PCDH15: variants seen among roughly 807,000 people sequenced by gnomAD.
PCDH15 encodes the protein protocadherin related 15.
PCDH15 carries 129 observed loss-of-function variants against 178.5 expected under a neutral mutation model. The ratio of observed to expected loss-of-function variants is 0.72; its 90% CI spans 0.63 to 0.84. PCDH15 has a LOEUF of 0.84. Among genes scored for constraint, PCDH15 ranks in the 40% least tolerant of loss-of-function variants. PCDH15 has a pLI of 0.00. For synonymous variants in PCDH15, 800 were observed against 732.0 expected, an observed-to-expected ratio of 1.09 and a Z score of -1.50; for missense variants, 2,230 against 2,099.9, an observed-to-expected ratio of 1.06 and a Z score of -1.21.
At chr10:55,615,803 C>A (rs1843461258) in intron 2 of PCDH15, among the ~76,000 whole-genome samples, 1 of 152,106 alleles carries the variant, frequency 6.6e-6, no homozygotes, top group Non-Finnish European at 1.5e-5. Context: ...CTGATTTGAG[C>A]AGGAATATAA....
At chr10:54,084,496 T>A (rs2094487299) in intron 16 of PCDH15, among the ~76,000 whole-genome samples, 1 of 151,418 alleles carries the variant, frequency 6.6e-6, no homozygotes, top group Admixed American at 6.6e-5. Context: ...AATAAAAAAA[T>A]AAAAATTATC....
chr10:54,594,488 G>A (rs2092092080), intron 2 of PCDH15, among the ~76,000 whole-genome samples: 1 of 152,068 alleles, frequency 6.6e-6, no homozygotes, highest in East Asian at 1.9e-4. Context: ...GGCACCTCAA[G>A]GGGGCCTGCC....
chr10:55,258,339 T>G (rs1842058029), intron 1 of PCDH15, among the ~76,000 whole-genome samples: 1 of 152,192 alleles, frequency 6.6e-6, no homozygotes, highest in South Asian at 2.1e-4. Flanking sequence ...ACTCTTGCCC[T>G]ACCCTAATGG....
intron 2 of PCDH15, among the ~76,000 whole-genome samples, chr10:55,422,853 T>C (rs1368619578): frequency 6.6e-6 from 1 of 151,806 alleles, no homozygotes; most frequent in Non-Finnish European, 1.5e-5. Flanking sequence ...TAAGAAAGAA[T>C]GCCAAAGGAA....
intron 3 of PCDH15, among the ~76,000 whole-genome samples, chr10:54,388,293 C>T (rs1285890243): frequency 6.6e-5 from 10 of 152,282 alleles, no homozygotes; most frequent in Middle Eastern, 3.4e-3. Flanking sequence ...AGTTGAGTTT[C>T]GTTGTCAAAG....
At chr10:54,191,115 G>T (rs2048949200) in intron 11 of PCDH15, among the ~76,000 whole-genome samples, 2 of 152,158 alleles carry the variant, frequency 1.3e-5, no homozygotes, top group Non-Finnish European at 2.9e-5. Context: ...AATAGTGACT[G>T]AATTTATGAG....
intron 4 of PCDH15, among the ~76,000 whole-genome samples, chr10:54,377,093 G>A (rs11004267): frequency 0.25 from 37,435 of 151,570 alleles, 5,975 homozygotes; most frequent in East Asian, 0.82. Flanking sequence ...AAAGTAGGCC[G>A]ACAGCAAAAT....
chr10:54,126,759 C>T (rs2042025227), intron 15 of PCDH15, among the ~76,000 whole-genome samples: 1 of 151,606 alleles, frequency 6.6e-6, no homozygotes, highest in Admixed American at 6.6e-5. Context: ...TACATCTGAC[C>T]TTTCACAAAA....
rs1358249413 is a variant in PCDH15, at chr10:54,099,684, A to C, written c.1918-9621T>G. Reference sequence around the variant, plus strand: ...CACAATATTCTGAATTAAATAGACAAAAACAAAGCATTAATTTGATGCCCA... The same window carrying C: ...CACAATATTCTGAATTAAATAGACACAAACAAAGCATTAATTTGATGCCCA... On this transcript the variant is annotated intron_variant, in intron 15 of 37. Transcript: ENST00000644397. Among the ~76,000 whole-genome samples, 3 of 151,810 alleles carry C rather than the reference A, an allele frequency of 2.0e-5. No individual in the cohort carries two copies. The East Asian group carries it at 5.8e-4, about 29-fold the overall frequency.
intron 27 of PCDH15, among the ~76,000 whole-genome samples, chr10:53,861,256 T>C (rs1339120614): frequency 2.6e-5 from 4 of 152,174 alleles, no homozygotes; most frequent in African/African-American, 9.6e-5. Context: ...TTACACCAAA[T>C]ATTTAATAAT....
chr10:54,804,927 T>TTA (rs71014419), upstream of PCDH15, among the ~76,000 whole-genome samples: 11,407 of 50,840 alleles, frequency 0.22, 2,656 homozygotes, highest in East Asian at 0.4. Context: ...TCATAGTAGA[T>TTA]TATATATATA....
intron 1 of PCDH15, among the ~76,000 whole-genome samples, chr10:54,774,063 C>T (rs1397356649): frequency 1.7e-5 from 2 of 116,786 alleles, no homozygotes; most frequent in African/African-American, 3.3e-5. Flanking sequence ...GAGTCTCGCT[C>T]TGTCTCCCAG....
At chr10:55,375,590 A>T (rs559845642) in intron 2 of PCDH15, among the ~76,000 whole-genome samples, 26 of 152,180 alleles carry the variant, frequency 1.7e-4, no homozygotes, top group Non-Finnish European at 2.5e-4. Flanking sequence ...CTAATTTATG[A>T]CAATCCAAAT....
At chr10:54,551,552 A>G (rs183734317) in intron 2 of PCDH15, among the ~76,000 whole-genome samples, 143 of 152,278 alleles carry the variant, frequency 9.4e-4, no homozygotes, top group Admixed American at 1.8e-3. Context: ...ATTAGAAAAT[A>G]TAACAAGCAA....
chr10:55,585,589 T>C (rs1434753105), intron 2 of PCDH15, among the ~76,000 whole-genome samples: 2 of 151,962 alleles, frequency 1.3e-5, no homozygotes, highest in South Asian at 2.1e-4. Flanking sequence ...GGCAGGAGAA[T>C]CGCTTGATCC....
chr10:54,457,992 A>G (rs1930170), intron 3 of PCDH15, among the ~76,000 whole-genome samples: 121,972 of 152,140 alleles, frequency 0.8, 49,312 homozygotes, highest in African/African-American at 0.89. Flanking sequence ...CTCACATTCT[A>G]TTCTCATGAA....
chr10:54,521,815 C>T (rs1424676948), intron 3 of PCDH15, among the ~76,000 whole-genome samples: 3 of 151,994 alleles, frequency 2.0e-5, no homozygotes, highest in Non-Finnish European at 2.9e-5. Context: ...GTTGGCCGGG[C>T]GTGGTGGCTC....
intron 2 of PCDH15, among the ~76,000 whole-genome samples, chr10:55,400,109 A>G (rs1387533521): frequency 1.1e-4 from 16 of 152,076 alleles, no homozygotes; most frequent in Admixed American, 1.1e-3. Flanking sequence ...TTACATGCAC[A>G]CCTCATCCTG....
At chr10:54,182,506 AGTGTGTGTGT>A (rs71007813) in intron 13 of PCDH15, among the ~76,000 whole-genome samples, 4 of 148,078 alleles carry the variant, frequency 2.7e-5, no homozygotes, top group African/African-American at 5.0e-5. Flanking sequence ...AGAGAAAAAA[AGTGTGTGTGT>A]GTGTGTGTGT....
Sources: gnomAD v4.1 joint callset for allele counts (sites outside exome capture counted in the v4.1 genomes callset) on GRCh38, gnomAD v4.1.1 for gene constraint, MANE v1.5 for transcripts, NCBI Gene and HGNC (gene_info 2026-07-23, HGNC 2026-07-21) for gene names.